Variants in GIGYF2 observed in about 807,000 individuals in gnomAD.
The protein encoded by GIGYF2 is GRB10-interacting GYF protein 2.
A neutral mutation model predicts 208.1 loss-of-function variants in GIGYF2; 25 were observed. The ratio of observed to expected loss-of-function variants is 0.12; its 90% confidence interval spans 0.09 to 0.17. GIGYF2 has a LOEUF of 0.17. GIGYF2 is among the 10% of genes least tolerant of loss of function. The pLI, the probability that GIGYF2 is intolerant of heterozygous loss-of-function variation, is 1.00. For synonymous variants in GIGYF2, 534 were observed against 543.8 expected, an observed-to-expected ratio of 0.98 and a Z score of 0.25; for missense variants, 1,302 against 1,579.4, an observed-to-expected ratio of 0.82 and a Z score of 2.98.
chr2:232,768,980 G>A (rs926558684), intron 8 of GIGYF2, among the ~76,000 whole-genome samples: 2 of 152,122 alleles, frequency 1.3e-5, no homozygotes, highest in African/African-American at 4.8e-5. Context: ...TTTGCCTGAA[G>A]CATTTTTCAA....
intron 3 of GIGYF2, among the ~76,000 whole-genome samples, chr2:232,738,846 T>C (rs1483723734): frequency 6.6e-6 from 1 of 152,246 alleles, no homozygotes; most frequent in African/African-American, 2.4e-5. Context: ...TTGGATGATA[T>C]ATGGACAGTT....
chr2:232,786,946 TA>T (rs1162034223), intron 8 of GIGYF2, among the ~76,000 whole-genome samples: 1 of 152,192 alleles, frequency 6.6e-6, no homozygotes, highest in Non-Finnish European at 1.5e-5. Context: ...TATTTTTGTT[TA>T]AAAAAATTGC....
intron 14 of GIGYF2, among the ~76,000 whole-genome samples, chr2:232,801,959 T>C (rs1378033266): frequency 2.6e-5 from 4 of 152,246 alleles, no homozygotes; most frequent in Non-Finnish European, 5.9e-5. Flanking sequence ...TAGCAGTGTT[T>C]TGTAGTTTTC....
chr2:232,749,627 A>G (rs992981162), intron 5 of GIGYF2, among the ~76,000 whole-genome samples: 3 of 152,118 alleles, frequency 2.0e-5, no homozygotes, highest in African/African-American at 7.2e-5. Flanking sequence ...AAAGAAAATA[A>G]AAGAGTTTCT....
At chr2:232,840,221 G>T (rs529522459) in intron 23 of GIGYF2, among the ~76,000 whole-genome samples, 179 of 152,304 alleles carry the variant, frequency 1.2e-3, no homozygotes, top group Non-Finnish European at 2.4e-3. Context: ...TTCTTGAGAA[G>T]ACCTCATAAA....
rs967691421 is a variant in GIGYF2 at position 232,853,056 on chromosome 2, T to C, written c.3832+2647T>C. Among the ~76,000 whole-genome samples, 5 of 152,368 alleles carry C rather than the reference T, an allele frequency of 3.3e-5. No individual in the cohort carries two copies. In the East Asian group the frequency reaches 9.6e-4, roughly 29 times the overall value. Reference sequence around the variant, plus strand: ...TCACTGAGGTTATGAAAATTACTGCTCACCTAAACCTCACTCTGGAAATTC... The same window carrying C: ...TCACTGAGGTTATGAAAATTACTGCCCACCTAAACCTCACTCTGGAAATTC... On this transcript the variant is annotated intron_variant, in intron 28 of 28. Transcript: ENST00000373563.
At chr2:232,739,726 C>T (rs1697898714) in intron 3 of GIGYF2, among the ~76,000 whole-genome samples, 1 of 151,962 alleles carries the variant, frequency 6.6e-6, no homozygotes, top group African/African-American at 2.4e-5. Context: ...CTAAGTTACC[C>T]TAATCCTACC....
chr2:232,732,775 C>T (rs773184642), intron 2 of GIGYF2, among the ~76,000 whole-genome samples: 2 of 151,640 alleles, frequency 1.3e-5, no homozygotes, highest in South Asian at 2.1e-4. Context: ...ACTACAGGCT[C>T]GCACCATCAT....
intron 22 of GIGYF2, 124 bp downstream of exon 22, chr2:232,833,217 A>T (rs1701478757): frequency 2.1e-6 from 1 of 468,482 alleles, no homozygotes; most frequent in African/African-American, 2.1e-5. Context: ...AATATTTTAA[A>T]TTATTTATTT....
rs766463762 is a variant in GIGYF2, at chr2:232,859,245, A to G, written c.*2385A>G. The G allele has an allele frequency of 3.9e-5, 6 of 151,950 alleles. No homozygotes were observed. The highest frequency in any genetic ancestry group is 7.4e-5 in the Non-Finnish European group (5 of 68,026). 9.4% of individuals were successfully genotyped at this position (151,950 alleles called of 1,614,324 possible). A position where few individuals can be genotyped will look rare whatever the true frequency, so the allele number is the denominator to read the frequency against. On this transcript the variant is annotated 3_prime_UTR_variant, in exon 29 of 29. Coordinates refer to ENST00000373563, the MANE Select transcript of GIGYF2 (RefSeq NM_001103146.3). ...AACTTATTTCCAAATTCTCCTAACT[A>G]TTCCTGAGTTTTGAAGTATTTGTTT...
chr2:232,808,768 T>C (rs1361829114), intron 15 of GIGYF2, among the ~76,000 whole-genome samples: 1 of 152,182 alleles, frequency 6.6e-6, no homozygotes, highest in African/African-American at 2.4e-5. Context: ...ATTTTAACTT[T>C]TTATAATTTA....
At chr2:232,749,495 A>ATGTG (rs137927853) in intron 5 of GIGYF2, among the ~76,000 whole-genome samples, 2 of 151,136 alleles carry the variant, frequency 1.3e-5, no homozygotes, top group South Asian at 2.1e-4. Context: ...TCTGTCACCA[A>ATGTG]TGTGTGTGTG....
chr2:232,837,830 C>T (rs761988878), intron 22 of GIGYF2, among the ~76,000 whole-genome samples: 8 of 152,182 alleles, frequency 5.3e-5, no homozygotes, highest in Non-Finnish European at 8.8e-5. Flanking sequence ...CGCAGCTCCT[C>T]ATGCTGTCAT....
At chr2:232,710,632 G>A (rs1432700340) in intron 2 of GIGYF2, among the ~76,000 whole-genome samples, 1 of 151,024 alleles carries the variant, frequency 6.6e-6, no homozygotes, top group African/African-American at 2.4e-5. Context: ...CTTGGAAAAC[G>A]TACAGTTTGA....
chr2:232,812,381 C>T lies in GIGYF2; in HGVS notation c.2007-10C>T. On this transcript the variant is annotated splice_polypyrimidine_tract_variant and intron_variant, in intron 17 of 28. Coordinates refer to ENST00000373563, the MANE Select transcript of GIGYF2 (RefSeq NM_001103146.3). ...CAAGAACAAGTTAATTTTTTATTTC[C>T]CTTTTGCAGAATATCTGATCAGAAC... The T allele has an allele frequency of 8.9e-7, 1 of 1,126,706 alleles. No individual in the cohort carries two copies. The highest frequency in any genetic ancestry group is 1.2e-5 in the South Asian group (1 of 80,894). 69.8% of individuals were successfully genotyped at this position (1,126,706 alleles called of 1,614,324 possible).
intron 1 of GIGYF2, among the ~76,000 whole-genome samples, chr2:232,698,684 A>AT (rs374782088): frequency 1.1e-4 from 16 of 152,344 alleles, no homozygotes; most frequent in African/African-American, 3.6e-4. Context: ...TTTACATCAG[A>AT]TGTTGACAAC....
At chr2:232,704,201 T>C (rs949265847) in intron 2 of GIGYF2, among the ~76,000 whole-genome samples, 2 of 152,180 alleles carry the variant, frequency 1.3e-5, no homozygotes, top group Admixed American at 1.3e-4. Flanking sequence ...GAAGGTAGAA[T>C]GGTGACTATT....
At chr2:232,773,506 AAC>A (rs1007180987) in intron 8 of GIGYF2, among the ~76,000 whole-genome samples, 2 of 152,118 alleles carry the variant, frequency 1.3e-5, no homozygotes, top group African/African-American at 4.8e-5. Flanking sequence ...TTGGTGAAAT[AAC>A]AGTCTTTCCA....
chr2:232,783,530 A>G (rs942875783), intron 8 of GIGYF2, among the ~76,000 whole-genome samples: 14 of 152,240 alleles, frequency 9.2e-5, no homozygotes, highest in Non-Finnish European at 1.8e-4. Context: ...CAAGAATACT[A>G]GTTCCAAACC....
Sources: gnomAD v4.1 joint callset for allele counts (sites outside exome capture counted in the v4.1 genomes callset) on GRCh38, gnomAD v4.1.1 for gene constraint, MANE v1.5 for transcripts, NCBI Gene and HGNC (gene_info 2026-07-23, HGNC 2026-07-21) for gene names.